The following DOCK10 variants were observed in gnomAD, a reference collection of about 807,000 sequenced individuals.
DOCK10 encodes dedicator of cytokinesis protein 10.
A neutral mutation model predicts 280.1 loss-of-function variants in DOCK10; 145 were observed. The observed-to-expected ratio is 0.52, with a 90% CI of 0.45 to 0.59. DOCK10 has a LOEUF of 0.59. DOCK10 is among the 20% of genes least tolerant of loss of function. The pLI is 0.00. For synonymous variants in DOCK10, 915 were observed against 942.2 expected, an observed-to-expected ratio of 0.97 and a Z score of 0.53; for missense variants, 2,368 against 2,651.7, an observed-to-expected ratio of 0.89 and a Z score of 2.35.
At chr2:224,837,619 A>T (rs1425301973) in intron 25 of DOCK10, 143 bp downstream of exon 25, 1 of 642,126 alleles carries the variant, frequency 1.6e-6, no homozygotes, top group Non-Finnish European at 2.8e-6. Context: ...TGGAATTCTA[A>T]GTAGCTAAGG....
intron 7 of DOCK10, among the ~76,000 whole-genome samples, chr2:224,883,944 A>G (rs905594689): frequency 6.6e-6 from 1 of 152,228 alleles, no homozygotes; most frequent in East Asian, 1.9e-4. Flanking sequence ...GTACAAATGG[A>G]AAGGATAATA....
chr2:224,837,710 C>T (rs921090534), intron 25 of DOCK10, 52 bp downstream of exon 25: 21 of 1,482,672 alleles, frequency 1.4e-5, no homozygotes, highest in Non-Finnish European at 1.7e-5. Context: ...GGAAATGAGA[C>T]AAGTCACACA....
intron 1 of DOCK10, among the ~76,000 whole-genome samples, chr2:224,985,584 GAAGA>G (rs1705951445): frequency 6.7e-6 from 1 of 149,054 alleles, no homozygotes; most frequent in Non-Finnish European, 1.5e-5. Context: ...AGACATGTAG[GAAGA>G]AAAAGTAAGG....
Position 224,948,548 on chromosome 2 carries a change from T to C in DOCK10, c.124-16880A>G, listed in dbSNP as rs565847783. On this transcript the variant is annotated intron_variant, in intron 1 of 55. Coordinates refer to ENST00000258390, the MANE Select transcript of DOCK10 (RefSeq NM_014689.3). ...AATCTTCAGATTTATTATTTTTTCC[T>C]TATATGGTGTGATGAGAGTCTGACT... 2.0e-5 allele frequency among the ~76,000 whole-genome samples: 3 copies of C among 152,344 alleles called. No homozygotes were observed. The East Asian group carries it at 5.8e-4, about 29-fold the overall frequency.
At chr2:224,948,991 T>C (rs1703581868) in intron 1 of DOCK10, among the ~76,000 whole-genome samples, 1 of 152,216 alleles carries the variant, frequency 6.6e-6, no homozygotes, top group African/African-American at 2.4e-5. Context: ...GAATGACTCA[T>C]TTCTCCATTT....
At chr2:224,880,810 T>C (rs1698934005) in intron 7 of DOCK10, among the ~76,000 whole-genome samples, 1 of 152,184 alleles carries the variant, frequency 6.6e-6, no homozygotes, top group South Asian at 2.1e-4. Context: ...AATATTTAAT[T>C]ATACCTATTA....
chr2:224,876,285 C>A (rs748451452), intron 7 of DOCK10, 64 bp from the exon 8 acceptor site: 1 of 1,383,124 alleles, frequency 7.2e-7, no homozygotes, highest in Non-Finnish European at 9.7e-7. Flanking sequence ...AGAGAGAGAT[C>A]ATTTATGTGG....
intron 1 of DOCK10, among the ~76,000 whole-genome samples, chr2:225,038,384 A>G (rs909655710): frequency 1.3e-5 from 2 of 152,152 alleles, no homozygotes; most frequent in African/African-American, 2.4e-5. Context: ...ACATGTTTAC[A>G]TATTCATTAC....
intron 55 of DOCK10, among the ~76,000 whole-genome samples, chr2:224,766,228 A>C (rs979239620): frequency 6.6e-6 from 1 of 152,230 alleles, no homozygotes; most frequent in Non-Finnish European, 1.5e-5. Context: ...AAATATAGTA[A>C]AAAAGTCTTG....
chr2:224,859,925 T>C (rs1288355148), intron 14 of DOCK10, among the ~76,000 whole-genome samples: 1 of 152,240 alleles, frequency 6.6e-6, no homozygotes, highest in Non-Finnish European at 1.5e-5. Flanking sequence ...GGATCTTTTA[T>C]ACTTTTTTGT....
chr2:224,898,922 T>C (rs908695477), intron 3 of DOCK10, among the ~76,000 whole-genome samples: 8 of 152,202 alleles, frequency 5.3e-5, no homozygotes, highest in African/African-American at 1.9e-4. Flanking sequence ...TTTATCTTCA[T>C]TTTGGATAAA....
chr2:224,834,366 G>C, intron 25 of DOCK10, 103 bp from the exon 26 acceptor site: 2 of 704,376 alleles, frequency 2.8e-6, no homozygotes, highest in Non-Finnish European at 5.1e-6. Flanking sequence ...ATCTGCTCAT[G>C]CCAGATTTTG....
chr2:224,823,489 A>G lies in DOCK10; in HGVS notation c.3183+12T>C. The stretch of plus-strand genomic sequence containing the variant: ...GGGCCTTGAATAGAACTGCGATCTC[A>G]TATAACTGTACCTTGAGAAATCTGG... On this transcript the variant is annotated intron_variant, in intron 28 of 55. Coordinates refer to ENST00000258390, the MANE Select transcript of DOCK10 (RefSeq NM_014689.3). 1 of 1,584,378 alleles carries G rather than the reference A, an allele frequency of 6.3e-7. No individual in the cohort carries two copies. Among genetic ancestry groups the G allele is most frequent in the Non-Finnish European group, 8.5e-7 (1 of 1,170,374 alleles).
intron 4 of DOCK10, among the ~76,000 whole-genome samples, chr2:224,886,793 C>T (rs1158290672): frequency 2.6e-5 from 4 of 152,066 alleles, no homozygotes; most frequent in African/African-American, 4.8e-5. Flanking sequence ...CTCACTCTGT[C>T]GCTCAGGCTA....
intron 48 of DOCK10, among the ~76,000 whole-genome samples, chr2:224,787,712 A>G (rs1348757267): frequency 2.0e-5 from 3 of 152,034 alleles, no homozygotes; most frequent in Admixed American, 2.0e-4. Context: ...TCCCTCTCCA[A>G]TTGCTGCTCT....
intron 1 of DOCK10, among the ~76,000 whole-genome samples, chr2:225,008,761 T>C (rs1165580127): frequency 6.6e-6 from 1 of 152,156 alleles, no homozygotes; most frequent in Non-Finnish European, 1.5e-5. Context: ...ATATCCAAAA[T>C]GAGAGCACAG....
At chr2:225,023,578 G>A (rs1689840106) in intron 1 of DOCK10, among the ~76,000 whole-genome samples, 2 of 152,144 alleles carry the variant, frequency 1.3e-5, no homozygotes, top group African/African-American at 4.8e-5. Flanking sequence ...GGATGTGGTA[G>A]AAAGGAAAAT....
At chr2:224,859,745 G>A (rs1697378757) in intron 14 of DOCK10, among the ~76,000 whole-genome samples, 1 of 152,188 alleles carries the variant, frequency 6.6e-6, no homozygotes, top group Non-Finnish European at 1.5e-5. Context: ...CTGCAATCTA[G>A]AAAGCGTAAC....
rs187642471 is a variant in DOCK10, at chr2:224,938,782, G to A, written c.124-7114C>T. Among the ~76,000 whole-genome samples, 34 of 152,274 alleles carry A rather than the reference G, an allele frequency of 2.2e-4. No individual in the cohort carries two copies. The East Asian group carries it at 4.0e-3, about 18-fold the overall frequency. Reference sequence around the variant, plus strand: ...AGAAAGTCCATACAGCTGGATGCACGGCCGCAGCTGTCAGCCTGGGTCATG... The same window carrying A: ...AGAAAGTCCATACAGCTGGATGCACAGCCGCAGCTGTCAGCCTGGGTCATG... On this transcript the variant is annotated intron_variant, in intron 1 of 55. Transcript: ENST00000258390.
Sources: gnomAD v4.1 joint callset for allele counts (sites outside exome capture counted in the v4.1 genomes callset) on GRCh38, gnomAD v4.1.1 for gene constraint, MANE v1.5 for transcripts, NCBI Gene and HGNC (gene_info 2026-07-23, HGNC 2026-07-21) for gene names.